The following HHATL variants were observed in gnomAD, a reference collection of about 807,000 sequenced individuals.
HHATL encodes protein-cysteine N-palmitoyltransferase HHAT-like protein.
In HHATL, 49 loss-of-function variants were observed where a neutral mutation model predicts 59.7. The ratio of observed to expected loss-of-function variants is 0.82; its 90% CI spans 0.65 to 1.04. HHATL has a LOEUF of 1.04. HHATL is among the 50% of genes least tolerant of loss of function. The pLI, the probability that HHATL is intolerant of heterozygous loss-of-function variation, is 0.00. For synonymous variants in HHATL, 238 were observed against 257.3 expected (o/e 0.93, Z 0.72); for missense variants, 605 against 650.8 (o/e 0.93, Z 0.77).
chr3:42,693,859 A>G, intron 9 of HHATL, 41 bp from the exon 10 acceptor site: 1 of 1,548,028 alleles, frequency 6.5e-7, no homozygotes, highest in Non-Finnish European at 8.9e-7. Flanking sequence ...GAGTGTGGGA[A>G]AGGGCAGGGA....
At chr3:42,699,613 G>A (rs1201389806) in intron 3 of HHATL, 145 bp downstream of exon 3, 7 of 667,916 alleles carry the variant, frequency 1.0e-5, no homozygotes, top group African/African-American at 3.6e-5. Flanking sequence ...ATACAGGAGG[G>A]GCCAGTAAAG....
In HHATL at chr3:42,697,643, G is replaced by C. The variant is rs750724967; in HGVS notation, c.730C>G (p.Leu244Val). 2 of 1,614,080 alleles carry C rather than the reference G, an allele frequency of 1.2e-6. No individual in the cohort carries two copies. The highest frequency in any genetic ancestry group is 8.5e-7 in the Non-Finnish European group (1 of 1,179,944). Residue 244 changes from leucine to valine, a missense_variant, in exon 7 of 12, where the codon CTG (leucine) becomes GTG (valine). By Grantham distance (32) the Leu-to-Val change is conservative (BLOSUM62 1). Coordinates refer to ENST00000441594, the MANE Select transcript of HHATL (RefSeq NM_020707.4). Reference sequence around the variant, plus strand: ...CCTGCCTGGGCTCGGATGTGCCACAGCTCACCCTCGCGTCTCACTGGCTCC... The same window carrying C: ...CCTGCCTGGGCTCGGATGTGCCACACCTCACCCTCGCGTCTCACTGGCTCC... ...QVEPVRREGE[L>V]WHIRAQAGLS...
In HHATL at chr3:42,698,358, G is replaced by A. The variant is rs772348816; in HGVS notation, c.484-7C>T. ...TGCCTGTTACAAACCCGCTCTGGAG[G>A]GGGAAAGAACAGGCCACCAGCTCAC... On this transcript the variant is annotated splice_region_variant and splice_polypyrimidine_tract_variant and intron_variant, in intron 5 of 11. Transcript: ENST00000441594. 6.2e-7 allele frequency: 1 copy of A among 1,608,814 alleles called. No individual in the cohort carries two copies. The highest frequency in any genetic ancestry group is 8.5e-7 in the Non-Finnish European group (1 of 1,176,832).
intron 9 of HHATL, among the ~76,000 whole-genome samples, chr3:42,694,836 G>C (rs988010312): frequency 3.3e-5 from 5 of 152,164 alleles, no homozygotes; most frequent in South Asian, 2.1e-4. Context: ...CTTCTACCCT[G>C]TTGTCAACTT....
chr3:42,699,397 G>A (rs1370902808), intron 3 of HHATL, among the ~76,000 whole-genome samples: 1 of 152,202 alleles, frequency 6.6e-6, no homozygotes, highest in Non-Finnish European at 1.5e-5. Flanking sequence ...AAGTACCGAG[G>A]CAGGAGGGTA....
intron 2 of HHATL, among the ~76,000 whole-genome samples, chr3:42,700,381 G>A (rs945262649): frequency 9.2e-5 from 11 of 120,026 alleles, no homozygotes; most frequent in Admixed American, 5.0e-4. Flanking sequence ...TGTGTGTGTC[G>A]GGATGTGTGT....
intron 6 of HHATL, 91 bp from the exon 7 acceptor site, chr3:42,697,770 G>A (rs1322839804): frequency 7.4e-7 from 1 of 1,350,228 alleles, no homozygotes; most frequent in Non-Finnish European, 1.0e-6. Flanking sequence ...GGGGCAGGAG[G>A]AGCCATGGCT....
rs371403031 is a variant in HHATL, at chr3:42,698,832, A to T, written c.359T>A (p.Leu120Gln). 6.2e-6 allele frequency: 10 copies of T among 1,613,802 alleles called. No individual in the cohort carries two copies. Among genetic ancestry groups the T allele is most frequent in the Non-Finnish European group, 8.5e-6 (10 of 1,179,902 alleles). The change falls in exon 5 of 12, where the codon CTG becomes CAG. Residue 120 changes from leucine to glutamine, a missense_variant. Coordinates refer to ENST00000441594, the MANE Select transcript of HHATL (RefSeq NM_020707.4). ...VMGTMGPWYLLLLLGHCVGLY... is the reference protein window; with the variant it reads ...VMGTMGPWYLQLLLGHCVGLY... ...GCCCACACAGTGACCAAGCAGCAGC[A>T]GCAGGTACCAAGGGCCCATTGTGCC...
rs747555550 is a variant in HHATL, at chr3:42,698,123, C to T, written c.693+19G>A. On this transcript the variant is annotated intron_variant, in intron 6 of 11. Transcript: ENST00000441594. ...GGAGATTCAGCCCTGTTCTAGAAGCCCACAGGGTGTCCCCTCACCTGAGCA... is the reference window on the plus strand; with the variant it reads ...GGAGATTCAGCCCTGTTCTAGAAGCTCACAGGGTGTCCCCTCACCTGAGCA... 1.9e-6 allele frequency: 3 copies of T among 1,610,226 alleles called. No individual in the cohort carries two copies. The highest frequency in any genetic ancestry group is 2.2e-5 in the East Asian group (1 of 44,842).
chr3:42,692,685 C>T lies in HHATL; in HGVS notation c.*66G>A, dbSNP rs1045023783. Reference sequence around the variant, plus strand: ...AGCTGTTGTAGAAAAGTCTTTTATTCTATCGGTCAGGCCCCATCTGGCCCA... The same window carrying T: ...AGCTGTTGTAGAAAAGTCTTTTATTTTATCGGTCAGGCCCCATCTGGCCCA... On this transcript the variant is annotated 3_prime_UTR_variant, in exon 12 of 12. Coordinates refer to ENST00000441594, the MANE Select transcript of HHATL (RefSeq NM_020707.4). The T allele has an allele frequency of 1.2e-6, 2 of 1,609,252 alleles. No individual in the cohort carries two copies. The highest frequency in any genetic ancestry group is 1.7e-5 in the Admixed American group (1 of 59,526).
At position 42,697,412 on chromosome 3, in the gene HHATL, G is replaced by A. The variant is rs1053036833; in HGVS notation, c.865+96C>T. On this transcript the variant is annotated intron_variant, in intron 7 of 11. Transcript: ENST00000441594. ...CACGCCCTCAGGTGCTGTGCCCTGC[G>A]TGCCTCAGCTCCCCTGACTGTGGCA... 45 of 1,380,892 alleles carry A rather than the reference G, an allele frequency of 3.3e-5. No individual in the cohort carries two copies. The Middle Eastern group carries it at 5.8e-4, about 18-fold the overall frequency. The allele number at this position is 1,380,892 out of a possible 1,614,324, so 85.5% of individuals were successfully genotyped here.
intron 3 of HHATL, among the ~76,000 whole-genome samples, 176 bp from the exon 4 acceptor site, chr3:42,699,321 C>T (rs949789439): frequency 7.9e-5 from 12 of 152,020 alleles, no homozygotes; most frequent in African/African-American, 2.9e-4. Context: ...CTAGCCAAAC[C>T]CAACGTGTCC....
rs558782948 is a variant in HHATL at position 42,701,027 on chromosome 3, C to T, written c.-13-188G>A. 2.3e-5 allele frequency: 13 copies of T among 554,784 alleles called. No homozygotes were observed. In the East Asian group the frequency reaches 2.6e-4, roughly 11 times the overall value. The allele number at this position is 554,784 out of a possible 1,614,324, so 34.4% of individuals were successfully genotyped here. ...TTCACAGGCCACCGAACACCAGTGC[C>T]CCATCCCAGCTGCTGCTCTTGCCCC... On this transcript the variant is annotated intron_variant, in intron 1 of 11. Transcript: ENST00000441594. This position sits in a 1 kb window ranked among gnomAD's most constrained non-coding sequence, Gnocchi z 5.1.
chr3:42,693,898 G>T, intron 9 of HHATL, 80 bp from the exon 10 acceptor site: 1 of 1,199,868 alleles, frequency 8.3e-7, no homozygotes, highest in Non-Finnish European at 1.2e-6. Flanking sequence ...ACAACAGGGC[G>T]TCCTCCTCAA....
In HHATL at chr3:42,692,722, GC is replaced by G; in HGVS notation, c.*28del. 6.2e-7 allele frequency: 1 copy of G among 1,614,182 alleles called. No homozygotes were observed. Among genetic ancestry groups the G allele is most frequent in the Non-Finnish European group, 8.5e-7 (1 of 1,180,010 alleles). On this transcript the variant is annotated 3_prime_UTR_variant, in exon 12 of 12. Transcript: ENST00000441594. ...CCCCATCTGGCCCAAGAATAGCTGA[GC>G]AGAGCCCATCCCTCTACCCGCTCCC...
At chr3:42,694,419 GTCT>G (rs1197415214) in intron 9 of HHATL, among the ~76,000 whole-genome samples, 3 of 152,160 alleles carry the variant, frequency 2.0e-5, no homozygotes, top group Admixed American at 2.0e-4. Context: ...CTCTTAAGTG[GTCT>G]TCTTGTTTCT....
intron 9 of HHATL, among the ~76,000 whole-genome samples, chr3:42,696,407 C>G (rs767908381): frequency 2.0e-5 from 3 of 152,168 alleles, no homozygotes; most frequent in Non-Finnish European, 4.4e-5. Context: ...TCCATCAGTC[C>G]TCTGGACCCT....
chr3:42,692,906 G>T, intron 11 of HHATL, 31 bp from the exon 12 acceptor site: 1 of 1,607,752 alleles, frequency 6.2e-7, no homozygotes, highest in Non-Finnish European at 8.5e-7. Context: ...AGATGCTCAG[G>T]AGCAGCACTG....
At chr3:42,698,952 C>T (rs1218392648) in intron 4 of HHATL, 50 bp from the exon 5 acceptor site, 3 of 1,608,212 alleles carry the variant, frequency 1.9e-6, no homozygotes, top group Admixed American at 3.3e-5. Context: ...GGGGGCGTGA[C>T]CCCAGGAGGG....
Sources: gnomAD v4.1 joint callset for allele counts (sites outside exome capture counted in the v4.1 genomes callset) on GRCh38, gnomAD v4.1.1 for gene constraint, Gnocchi (gnomAD v3.1) non-coding constraint, MANE v1.5 for transcripts, NCBI Gene and HGNC (gene_info 2026-07-23, HGNC 2026-07-21) for gene names.